Variants in ACCSL observed in about 807,000 individuals in gnomAD.
The protein encoded by ACCSL is 1-aminocyclopropane-1-carboxylate synthase homolog (inactive) like.
Under a neutral mutation model 61.7 loss-of-function variants are expected in ACCSL, and 55 were observed. The ratio of observed to expected loss-of-function variants is 0.89; its 90% CI spans 0.72 to 1.12. The LOEUF (loss-of-function observed/expected upper bound fraction) is 1.12. Among genes scored for constraint, ACCSL ranks in the 50% most tolerant of loss-of-function variants. The pLI is 0.00. For synonymous variants in ACCSL, 258 were observed against 264.3 expected (o/e 0.98, Z 0.23); for missense variants, 632 against 698.0 (o/e 0.91, Z 1.07).
At chr11:43,960,949 G>T in the ACCSL span, among the ~76,000 whole-genome samples, 1 of 152,076 alleles carries the variant, frequency 6.6e-6, no homozygotes, top group Non-Finnish European at 1.5e-5. Flanking sequence ...CTCCCAAGTA[G>T]CTGGGATTAC....
chr11:44,036,285 C>G, the ACCSL span, among the ~76,000 whole-genome samples: 1 of 152,212 alleles, frequency 6.6e-6, no homozygotes, highest in African/African-American at 2.4e-5. Context: ...TCACTGTGGC[C>G]CAGGAATCTG....
the ACCSL span, among the ~76,000 whole-genome samples, chr11:44,022,625 G>T: frequency 6.6e-6 from 1 of 152,008 alleles, no homozygotes; most frequent in Non-Finnish European, 1.5e-5. Flanking sequence ...TTGTCTGATT[G>T]CTCTGGCTTA....
At chr11:43,942,952 G>C in the ACCSL span, 2 of 1,475,358 alleles carry the variant, frequency 1.4e-6, no homozygotes, top group Admixed American at 4.9e-5. Flanking sequence ...CCAGTTACCA[G>C]GCGGTGATGC....
At chr11:43,959,530 T>C in the ACCSL span, among the ~76,000 whole-genome samples, 1 of 152,214 alleles carries the variant, frequency 6.6e-6, no homozygotes, top group African/African-American at 2.4e-5. Flanking sequence ...AGGAGGATGT[T>C]CCCTGTCAGC....
At chr11:44,056,511 T>C (rs527741106) in intron 11 of ACCSL, among the ~76,000 whole-genome samples, 185 bp downstream of exon 11, 1 of 152,304 alleles carries the variant, frequency 6.6e-6, no homozygotes, top group African/African-American at 2.4e-5. Flanking sequence ...CAGCAGGGTG[T>C]AGGCAGAAGA....
At chr11:44,027,469 A>G in the ACCSL span, among the ~76,000 whole-genome samples, 2 of 152,244 alleles carry the variant, frequency 1.3e-5, no homozygotes, top group Non-Finnish European at 2.9e-5. Context: ...GGACCAGCTG[A>G]GTTCCTATGA....
the ACCSL span, among the ~76,000 whole-genome samples, chr11:43,997,185 G>A: frequency 1.3e-5 from 2 of 151,940 alleles, no homozygotes; most frequent in African/African-American, 4.8e-5. Context: ...GGGTTCCCCA[G>A]ACCAATTAAA....
chr11:44,048,670 C>T (rs1374174106), intron 1 of ACCSL, 130 bp downstream of exon 1: 4 of 946,968 alleles, frequency 4.2e-6, no homozygotes, highest in East Asian at 5.0e-5. Flanking sequence ...CTCTTGTCAT[C>T]TTGCAGATAA....
At chr11:43,936,206 T>C in the ACCSL span, among the ~76,000 whole-genome samples, 2 of 152,138 alleles carry the variant, frequency 1.3e-5, no homozygotes, top group African/African-American at 2.4e-5. Flanking sequence ...AACTCCACCC[T>C]TGGAGATATG....
In ACCSL at chr11:44,053,224, T is replaced by C. The variant is rs552945468; in HGVS notation, c.948+156T>C. 2.0e-5 allele frequency among the ~76,000 whole-genome samples: 3 copies of C among 152,266 alleles called. No homozygotes were observed. The South Asian group carries it at 6.2e-4, about 32-fold the overall frequency. On this transcript the variant is annotated intron_variant, in intron 7 of 13. Transcript: ENST00000378832. ...CCAGGGGTGTGTCCCTCTAGTCCTG[T>C]GGGGATGTTATGGCAGCCCCAGACT...
At position 44,048,309 on chromosome 11, in the gene ACCSL, G is replaced by A; in HGVS notation, c.273G>A (p.Glu91=). The A allele has an allele frequency of 2.5e-6, 4 of 1,614,100 alleles. No individual in the cohort carries two copies. The highest frequency in any genetic ancestry group is 3.4e-6 in the Non-Finnish European group (4 of 1,180,004). ...LLQSGAASGL[E]LQVPLPSEDS... The stretch of plus-strand genomic sequence containing the variant: ...AGTCTGGGGCCGCGAGTGGCCTGGA[G>A]CTCCAAGTGCCTCTTCCTTCTGAGG... Residue 91 remains glutamate, a synonymous_variant, in exon 1 of 14, where the codon GAG becomes GAA. Transcript: ENST00000378832.
At chr11:44,057,538 G>A (rs547002833) in intron 11 of ACCSL, among the ~76,000 whole-genome samples, 1 of 152,328 alleles carries the variant, frequency 6.6e-6, no homozygotes, top group African/African-American at 2.4e-5. Context: ...TCCTGATATA[G>A]CCTGAGCATC....
intron 1 of ACCSL, 78 bp downstream of exon 1, chr11:44,048,618 G>GC: frequency 7.3e-7 from 1 of 1,372,472 alleles, no homozygotes; most frequent in Non-Finnish European, 1.0e-6. Flanking sequence ...TGGGCCAAGT[G>GC]CTATATATGC....
At chr11:43,921,108 G>A in the ACCSL span, 1 of 152,252 alleles carries the variant, frequency 6.6e-6, no homozygotes, top group Non-Finnish European at 1.5e-5. Context: ...GAAAGGAAAT[G>A]AATTTAAATG....
At chr11:44,010,294 C>T in the ACCSL span, among the ~76,000 whole-genome samples, 45 of 152,220 alleles carry the variant, frequency 3.0e-4, no homozygotes, top group African/African-American at 8.9e-4. Context: ...GAGCCGAGAT[C>T]GCACCATTGC....
chr11:44,040,473 T>C, the ACCSL span, among the ~76,000 whole-genome samples: 7 of 152,106 alleles, frequency 4.6e-5, no homozygotes, highest in Admixed American at 1.3e-4. Flanking sequence ...AATAGGGAAT[T>C]CCTGGGGAAG....
the ACCSL span, among the ~76,000 whole-genome samples, chr11:43,970,396 G>A: frequency 6.6e-6 from 1 of 152,072 alleles, no homozygotes; most frequent in Non-Finnish European, 1.5e-5. Flanking sequence ...TAGAGACAAG[G>A]TTTCACCATG....
At chr11:44,000,725 A>AAAAG in the ACCSL span, among the ~76,000 whole-genome samples, 4,084 of 146,790 alleles carry the variant, frequency 0.028, 137 homozygotes, top group African/African-American at 0.075. Flanking sequence ...TCTGCCTCAA[A>AAAAG]AAAGAAAGAA....
the ACCSL span, among the ~76,000 whole-genome samples, chr11:44,031,174 G>A: frequency 6.6e-6 from 1 of 152,172 alleles, no homozygotes; most frequent in Admixed American, 6.5e-5. Context: ...ATGGTTAGGA[G>A]GATTCCATGA....
Sources: gnomAD v4.1 joint callset for allele counts (sites outside exome capture counted in the v4.1 genomes callset) on GRCh38, gnomAD v4.1.1 for gene constraint, MANE v1.5 for transcripts, NCBI Gene and HGNC (gene_info 2026-07-23, HGNC 2026-07-21) for gene names.